Variants in OR56A3 observed in about 807,000 individuals in gnomAD.
The protein encoded by OR56A3 is olfactory receptor 56A3.
In OR56A3, 23 loss-of-function variants were observed where a neutral mutation model predicts 17.5. That is an observed-to-expected ratio of 1.32 (90% CI 0.95 to 1.87). The LOEUF (loss-of-function observed/expected upper bound fraction) is 1.87, where lower values mean the gene tolerates loss of function less well. Ranked by LOEUF, OR56A3 falls within the 40% of genes most tolerant of loss-of-function variation. The pLI is 0.00. For synonymous variants in OR56A3, 175 were observed against 150.6 expected (o/e 1.16, Z -1.19); for missense variants, 366 against 380.1 (o/e 0.96, Z 0.31).
chr11:5,971,537 T>C, the OR56A3 span, among the ~76,000 whole-genome samples: 2 of 152,158 alleles, frequency 1.3e-5, no homozygotes, highest in African/African-American at 4.8e-5. Flanking sequence ...TACCTGGATT[T>C]TACTAAGAAG....
chr11:5,955,510 G>A (rs1847927703), downstream of OR56A3, among the ~76,000 whole-genome samples: 1 of 152,112 alleles, frequency 6.6e-6, no homozygotes, highest in Non-Finnish European at 1.5e-5. Flanking sequence ...TTATTAAAAA[G>A]TTTAGAGCAG....
the OR56A3 span, chr11:6,002,741 G>A: frequency 6.2e-7 from 1 of 1,614,214 alleles, no homozygotes; most frequent in Non-Finnish European, 8.5e-7. Context: ...AGATGGCCAG[G>A]ACCTTGGGGA....
At chr11:5,977,329 C>T in the OR56A3 span, among the ~76,000 whole-genome samples, 1 of 152,150 alleles carries the variant, frequency 6.6e-6, no homozygotes, top group Non-Finnish European at 1.5e-5. Context: ...ACATTCCCAC[C>T]AGCAATGTAT....
At chr11:5,960,069 C>T in the OR56A3 span, among the ~76,000 whole-genome samples, 1 of 152,100 alleles carries the variant, frequency 6.6e-6, no homozygotes. Context: ...ATTATTATGG[C>T]TTTGTAGCAT....
the OR56A3 span, chr11:5,985,898 C>G: frequency 1.3e-6 from 2 of 1,526,646 alleles, no homozygotes; most frequent in Admixed American, 4.1e-5. Flanking sequence ...GGCTGTGGTC[C>G]GCAGAAGAAG....
the OR56A3 span, among the ~76,000 whole-genome samples, chr11:6,007,839 C>A: frequency 6.6e-6 from 1 of 152,194 alleles, no homozygotes; most frequent in Non-Finnish European, 1.5e-5. Context: ...AGTGCTTTTC[C>A]TGTGAACCTT....
chr11:6,011,035 G>C, the OR56A3 span, among the ~76,000 whole-genome samples: 2 of 152,116 alleles, frequency 1.3e-5, no homozygotes, highest in South Asian at 4.1e-4. Flanking sequence ...TTATAAAAGA[G>C]TCAAAAAGTT....
rs1847887662 is a variant in OR56A3 at position 5,948,345 on chromosome 11, C to T, written c.*51C>T. The T allele has an allele frequency of 2.3e-6, 3 of 1,278,018 alleles. No homozygotes were observed. Among genetic ancestry groups the T allele is most frequent in the Non-Finnish European group, 2.2e-6 (2 of 901,642 alleles). 79.2% of individuals were successfully genotyped at this position (1,278,018 alleles called of 1,614,324 possible). A position where few individuals can be genotyped will look rare whatever the true frequency, so the allele number is the denominator to read the frequency against. ...CTAAAATAAGATAATTTATTAATCA[C>T]TTAATGAGTGAGTGGGCTGAAATTC... On this transcript the variant is annotated 3_prime_UTR_variant, in exon 3 of 3. Transcript: ENST00000641160.
intron 1 of OR56A3, chr11:5,943,508 T>C (rs1223584098): frequency 1.9e-5 from 2 of 103,594 alleles, no homozygotes; most frequent in East Asian, 5.0e-4. Context: ...GGCTGTGATT[T>C]TCTTTAAAAA....
chr11:5,969,917 T>C, the OR56A3 span, among the ~76,000 whole-genome samples: 2 of 117,172 alleles, frequency 1.7e-5, no homozygotes, highest in South Asian at 5.4e-4. Context: ...ATAATGATAG[T>C]GATATAAAGA....
chr11:5,996,452 C>A, the OR56A3 span, among the ~76,000 whole-genome samples: 3 of 151,960 alleles, frequency 2.0e-5, no homozygotes, highest in South Asian at 6.2e-4. Context: ...AGCCCAGCCT[C>A]TTTGTCTTAG....
chr11:6,018,848 A>G, the OR56A3 span, among the ~76,000 whole-genome samples: 3 of 152,214 alleles, frequency 2.0e-5, no homozygotes, highest in South Asian at 6.2e-4. Context: ...AGAAGATATT[A>G]CAACTGATAC....
At position 5,950,982 on chromosome 11, in the gene OR56A3, C is replaced by T. The variant is rs1847904430; in HGVS notation, c.*2688C>T. The T allele has an allele frequency of 6.6e-6, 1 of 151,922 alleles. No individual in the cohort carries two copies. Among genetic ancestry groups the T allele is most frequent in the Non-Finnish European group, 1.5e-5 (1 of 67,956 alleles). The allele number at this position is 151,922 out of a possible 1,614,324, so 9.4% of individuals were successfully genotyped here. ...TTATATTTATATTATTTTGTTTTGG[C>T]TATAATTTTTCTTTTTTATATGTTT... On this transcript the variant is annotated 3_prime_UTR_variant, in exon 3 of 3. Coordinates refer to ENST00000641160, the MANE Select transcript of OR56A3 (RefSeq NM_001003443.3).
At chr11:5,968,886 A>G in the OR56A3 span, among the ~76,000 whole-genome samples, 71 of 152,230 alleles carry the variant, frequency 4.7e-4, no homozygotes, top group Non-Finnish European at 2.2e-4. Flanking sequence ...AGAATTAATA[A>G]ATATGTCATA....
chr11:5,993,712 A>G, the OR56A3 span, among the ~76,000 whole-genome samples: 12 of 152,238 alleles, frequency 7.9e-5, no homozygotes, highest in Admixed American at 7.8e-4. Flanking sequence ...TTTAGTAGCC[A>G]TCTTTAAAAA....
downstream of OR56A3, among the ~76,000 whole-genome samples, chr11:5,953,596 T>C (rs572403702): frequency 6.6e-6 from 1 of 152,278 alleles, no homozygotes; most frequent in South Asian, 2.1e-4. Flanking sequence ...CTGCATACTG[T>C]AGATCCTAGG....
At chr11:5,960,849 G>C in the OR56A3 span, among the ~76,000 whole-genome samples, 1 of 151,590 alleles carries the variant, frequency 6.6e-6, no homozygotes, top group African/African-American at 2.4e-5. Context: ...CATCATCTGG[G>C]ATGTGGGGAG....
At chr11:5,991,281 A>G in the OR56A3 span, among the ~76,000 whole-genome samples, 1 of 152,192 alleles carries the variant, frequency 6.6e-6, no homozygotes, top group Non-Finnish European at 1.5e-5. Flanking sequence ...CCTCAGGCTG[A>G]CCATGAAGGG....
chr11:5,960,528 C>T, the OR56A3 span, among the ~76,000 whole-genome samples: 80 of 152,344 alleles, frequency 5.3e-4, no homozygotes, highest in African/African-American at 1.7e-3. Flanking sequence ...CCCGAGGTGC[C>T]GGGATTGCAG....
Sources: gnomAD v4.1 joint callset for allele counts (sites outside exome capture counted in the v4.1 genomes callset) on GRCh38, gnomAD v4.1.1 for gene constraint, MANE v1.5 for transcripts, NCBI Gene and HGNC (gene_info 2026-07-23, HGNC 2026-07-21) for gene names.